AGBL4: variants seen among roughly 807,000 people sequenced by gnomAD.
The protein encoded by AGBL4 is cytosolic carboxypeptidase 6.
In AGBL4, 58 loss-of-function variants were observed where a neutral mutation model predicts 66.4. The observed-to-expected ratio is 0.87, with a 90% confidence interval of 0.71 to 1.09. The LOEUF (loss-of-function observed/expected upper bound fraction) is 1.09, where lower values mean the gene tolerates loss of function less well. AGBL4 is among the 50% of genes least tolerant of loss of function. AGBL4 has a pLI of 0.00. For missense variants in AGBL4, 579 were observed against 631.0 expected, an observed-to-expected ratio of 0.92 and a Z score of 0.88; for synonymous variants, 234 against 222.9, an observed-to-expected ratio of 1.05 and a Z score of -0.44.
intron 3 of AGBL4, among the ~76,000 whole-genome samples, chr1:49,450,233 T>G (rs1380001401): frequency 6.6e-6 from 1 of 152,072 alleles, no homozygotes; most frequent in Non-Finnish European, 1.5e-5. Flanking sequence ...CCTGGCTCTA[T>G]CCAGGCTCTG....
chr1:49,879,858 T>C (rs1234879549), intron 1 of AGBL4, among the ~76,000 whole-genome samples: 1 of 95,038 alleles, frequency 1.1e-5, no homozygotes, highest in East Asian at 2.6e-4. Context: ...CTTTGCTCAT[T>C]TCTTTTTATT....
chr1:49,262,390 T>G (rs1054672050), intron 3 of AGBL4, among the ~76,000 whole-genome samples: 4 of 151,900 alleles, frequency 2.6e-5, no homozygotes, highest in Non-Finnish European at 5.9e-5. Context: ...GGGAGAAAAT[T>G]TTCACAACCT....
intron 1 of AGBL4, among the ~76,000 whole-genome samples, chr1:49,926,192 T>C (rs1189077200): frequency 6.6e-6 from 1 of 152,226 alleles, no homozygotes; most frequent in Non-Finnish European, 1.5e-5. Context: ...AGAGACGTTC[T>C]GCTTATTTTA....
At chr1:49,322,235 GT>G (rs1645144656) in intron 3 of AGBL4, among the ~76,000 whole-genome samples, 1 of 152,106 alleles carries the variant, frequency 6.6e-6, no homozygotes, top group Admixed American at 6.5e-5. Context: ...TTCCAAAATA[GT>G]TTTTATAGCA....
chr1:49,247,167 ATAACCC>A (rs886875518), intron 3 of AGBL4, among the ~76,000 whole-genome samples: 24 of 152,112 alleles, frequency 1.6e-4, no homozygotes, highest in African/African-American at 5.5e-4. Flanking sequence ...CCAAAATTCC[ATAACCC>A]TAAACAAGTC....
chr1:49,290,345 C>A (rs1235892379), intron 3 of AGBL4, among the ~76,000 whole-genome samples: 1 of 152,120 alleles, frequency 6.6e-6, no homozygotes, highest in East Asian at 1.9e-4. Context: ...GATCTGAGGA[C>A]AAGTTCTTCT....
At chr1:49,167,417 T>C (rs750250444) in intron 4 of AGBL4, among the ~76,000 whole-genome samples, 1 of 152,178 alleles carries the variant, frequency 6.6e-6, no homozygotes, top group African/African-American at 2.4e-5. Flanking sequence ...CCATAATTTC[T>C]TGATTCTATT....
At chr1:49,869,342 C>A (rs1646782505) in intron 1 of AGBL4, among the ~76,000 whole-genome samples, 1 of 152,128 alleles carries the variant, frequency 6.6e-6, no homozygotes, top group Admixed American at 6.5e-5. Context: ...ATGTAATCAA[C>A]CCAAATGCCC....
intron 3 of AGBL4, among the ~76,000 whole-genome samples, chr1:49,390,774 C>G (rs1415351266): frequency 6.6e-6 from 1 of 152,174 alleles, no homozygotes; most frequent in Non-Finnish European, 1.5e-5. Context: ...GGCCCACTAG[C>G]AACTACCTTG....
At chr1:49,688,522 T>TAGTG (rs1440599301) in intron 3 of AGBL4, among the ~76,000 whole-genome samples, 1 of 152,212 alleles carries the variant, frequency 6.6e-6, no homozygotes, top group Non-Finnish European at 1.5e-5. Flanking sequence ...CTATGGTGAA[T>TAGTG]AGTGCTGCAA....
intron 6 of AGBL4, among the ~76,000 whole-genome samples, chr1:48,829,333 T>C (rs1459057829): frequency 6.6e-6 from 1 of 152,232 alleles, no homozygotes; most frequent in Non-Finnish European, 1.5e-5. Context: ...TTACAGCCTA[T>C]GCCGTTGGCC....
intron 5 of AGBL4, among the ~76,000 whole-genome samples, chr1:49,017,564 CTCTA>C (rs1374563959): frequency 6.6e-6 from 1 of 152,136 alleles, no homozygotes; most frequent in African/African-American, 2.4e-5. Context: ...TCCCATCCAT[CTCTA>C]TCTACTTCCA....
At chr1:49,634,567 G>A (rs544388063) in intron 3 of AGBL4, among the ~76,000 whole-genome samples, 1 of 152,228 alleles carries the variant, frequency 6.6e-6, no homozygotes, top group East Asian at 1.9e-4. Flanking sequence ...ATAATCCTTT[G>A]GGTATATACC....
intron 1 of AGBL4, 68 bp downstream of exon 1, chr1:50,023,695 C>T: frequency 6.6e-7 from 1 of 1,504,546 alleles, no homozygotes; most frequent in South Asian, 1.3e-5. Flanking sequence ...TGCCCGAGTC[C>T]CCTGTTGCCT....
chr1:49,013,876 T>C (rs1436062320), intron 5 of AGBL4, among the ~76,000 whole-genome samples: 2 of 152,222 alleles, frequency 1.3e-5, no homozygotes, highest in African/African-American at 2.4e-5. Context: ...CATTCTTTCA[T>C]GCTTTGAGAT....
At chr1:49,300,610 C>T (rs1644727490) in intron 3 of AGBL4, among the ~76,000 whole-genome samples, 1 of 152,150 alleles carries the variant, frequency 6.6e-6, no homozygotes, top group Admixed American at 6.5e-5. Flanking sequence ...GAACACAAAT[C>T]TCACCATGTC....
intron 3 of AGBL4, among the ~76,000 whole-genome samples, chr1:49,589,077 G>A (rs953862173): frequency 6.6e-6 from 1 of 152,092 alleles, no homozygotes; most frequent in South Asian, 2.1e-4. Context: ...TACCAGTGAA[G>A]GTAGGGAGGA....
intron 6 of AGBL4, among the ~76,000 whole-genome samples, chr1:48,754,448 C>G (rs976803249): frequency 6.6e-6 from 1 of 152,128 alleles, no homozygotes; most frequent in Non-Finnish European, 1.5e-5. Context: ...GATAACTGTT[C>G]ACTGAATAAA....
At chr1:49,281,313 T>C (rs1644267471) in intron 3 of AGBL4, among the ~76,000 whole-genome samples, 1 of 152,270 alleles carries the variant, frequency 6.6e-6, no homozygotes, top group South Asian at 2.1e-4. Context: ...TAGAACAGTC[T>C]CTCAAACTGG....
Sources: gnomAD v4.1 joint callset for allele counts (sites outside exome capture counted in the v4.1 genomes callset) on GRCh38, gnomAD v4.1.1 for gene constraint, MANE v1.5 for transcripts, NCBI Gene and HGNC (gene_info 2026-07-23, HGNC 2026-07-21) for gene names.